Variants in TMEM200A observed in about 807,000 individuals in gnomAD.
TMEM200A encodes two transmembrane C.
A neutral mutation model predicts 24.3 loss-of-function variants in TMEM200A; 12 were observed. The observed-to-expected ratio is 0.49, with a 90% CI of 0.32 to 0.80. TMEM200A has a LOEUF of 0.80. Among genes scored for constraint, TMEM200A ranks in the 30% least tolerant of loss-of-function variants. The pLI is 0.04. For synonymous variants in TMEM200A, 224 were observed against 224.4 expected (o/e 1.00, Z 0.02); for missense variants, 545 against 614.4 (o/e 0.89, Z 1.19).
At chr6:130,394,909 G>A (rs1261634903) in intron 2 of TMEM200A, among the ~76,000 whole-genome samples, 1 of 152,126 alleles carries the variant, frequency 6.6e-6, no homozygotes, top group Non-Finnish European at 1.5e-5. Flanking sequence ...AAGTTCATGT[G>A]ATTATTGCCC....
intron 1 of TMEM200A, among the ~76,000 whole-genome samples, chr6:130,367,373 A>C (rs1287225812): frequency 6.6e-6 from 1 of 152,224 alleles, no homozygotes; most frequent in African/African-American, 2.4e-5. Context: ...ACATTTCAAG[A>C]ATCGATGATT....
intron 2 of TMEM200A, among the ~76,000 whole-genome samples, chr6:130,395,974 G>A (rs1778943246): frequency 6.6e-6 from 1 of 152,086 alleles, no homozygotes; most frequent in African/African-American, 2.4e-5. Context: ...TCTCTCTGGA[G>A]TAAATATGAA....
intron 1 of TMEM200A, chr6:130,382,975 A>G: frequency 2.1e-6 from 2 of 974,488 alleles, no homozygotes; most frequent in Non-Finnish European, 2.4e-6. Flanking sequence ...TAGTGACTCT[A>G]GATCAGGAAG....
At chr6:130,376,775 T>C (rs1350507317) in intron 1 of TMEM200A, among the ~76,000 whole-genome samples, 1 of 152,156 alleles carries the variant, frequency 6.6e-6, no homozygotes, top group African/African-American at 2.4e-5. Flanking sequence ...TTTTTTTTTC[T>C]CCCTGGTTAA....
chr6:130,406,111 T>A (rs1461007528), intron 2 of TMEM200A, among the ~76,000 whole-genome samples: 1 of 152,202 alleles, frequency 6.6e-6, no homozygotes, highest in Non-Finnish European at 1.5e-5. Context: ...ATCCTTGTCT[T>A]TTCATATATT....
At position 130,397,960 on chromosome 6, in the gene TMEM200A, G is replaced by A. The variant is rs150786190; in HGVS notation, c.-17+12724G>A. Among the ~76,000 whole-genome samples, 638 of 151,238 alleles carry A rather than the reference G, an allele frequency of 4.2e-3. 8 individuals are homozygous for A. Among genetic ancestry groups the A allele is most frequent in the African/African-American group, 0.014 (588 of 41,208 alleles). On this transcript the variant is annotated intron_variant, in intron 2 of 2. Transcript: ENST00000296978. ...ACATGAATTATTTTTCTTTATAAACGTTTCTTTTTTCTCTCTCAACTTTTA... is the reference window on the plus strand; with the variant it reads ...ACATGAATTATTTTTCTTTATAAACATTTCTTTTTTCTCTCTCAACTTTTA...
chr6:130,430,584 C>T (rs1779851959), intron 2 of TMEM200A, among the ~76,000 whole-genome samples: 1 of 151,950 alleles, frequency 6.6e-6, no homozygotes, highest in Non-Finnish European at 1.5e-5. Context: ...CCTTTTTTTT[C>T]TAATACGTTT....
At chr6:130,367,010 G>C (rs1175967559) in intron 1 of TMEM200A, among the ~76,000 whole-genome samples, 1 of 152,206 alleles carries the variant, frequency 6.6e-6, no homozygotes, top group African/African-American at 2.4e-5. Flanking sequence ...AGGACTGAGG[G>C]CTTCTAAGAT....
At chr6:130,423,433 G>T (rs1007193394) in intron 2 of TMEM200A, among the ~76,000 whole-genome samples, 3 of 152,040 alleles carry the variant, frequency 2.0e-5, no homozygotes, top group Admixed American at 6.6e-5. Context: ...TGATTACATA[G>T]AATTCCTTTA....
chr6:130,418,593 A>G (rs906964005), intron 2 of TMEM200A, among the ~76,000 whole-genome samples: 2 of 152,124 alleles, frequency 1.3e-5, no homozygotes, highest in African/African-American at 2.4e-5. Flanking sequence ...GGTTATTGCT[A>G]TTAAGGGTGG....
intron 2 of TMEM200A, among the ~76,000 whole-genome samples, chr6:130,393,547 A>C (rs543333066): frequency 1.3e-5 from 2 of 152,308 alleles, no homozygotes; most frequent in African/African-American, 2.4e-5. Flanking sequence ...CTGAGCAAAG[A>C]TCATGTTCAT....
rs141662738 is a variant in TMEM200A at position 130,440,809 on chromosome 6, C to G, written c.387C>G (p.Gly129=). The change falls in exon 3 of 3, where the codon GGC becomes GGG. Residue 129 remains glycine (G), a synonymous_variant. Coordinates refer to ENST00000296978, the MANE Select transcript of TMEM200A (RefSeq NM_001258277.2). ...ATTCTGATAAGATGAAAATGCTTGG[C>G]CCATTCACCATGGGGATTGGCATTT... ...HLHSDKMKML[G]PFTMGIGIFI... The G allele has an allele frequency of 6.2e-7, 1 of 1,613,834 alleles. No homozygotes were observed. The highest frequency in any genetic ancestry group is 1.1e-5 in the South Asian group (1 of 91,076).
intron 1 of TMEM200A, among the ~76,000 whole-genome samples, chr6:130,370,338 T>C (rs563391534): frequency 3.2e-4 from 49 of 152,142 alleles, no homozygotes; most frequent in African/African-American, 1.2e-3. Flanking sequence ...TAGCAGAGAG[T>C]GCTACTCTGA....
intron 2 of TMEM200A, among the ~76,000 whole-genome samples, chr6:130,397,739 C>G (rs190747097): frequency 6.6e-6 from 1 of 151,630 alleles, no homozygotes; most frequent in Admixed American, 6.6e-5. Flanking sequence ...TTTTGTTTGT[C>G]TTTTCACCAG....
intron 2 of TMEM200A, 90 bp from the exon 3 acceptor site, chr6:130,440,317 A>G (rs1043724959): frequency 3.0e-6 from 4 of 1,320,682 alleles, no homozygotes; most frequent in Non-Finnish European, 3.9e-6. Flanking sequence ...AGCAACAAAA[A>G]TTCTGTGTAA....
At chr6:130,394,221 G>C (rs1386074480) in intron 2 of TMEM200A, among the ~76,000 whole-genome samples, 1 of 152,174 alleles carries the variant, frequency 6.6e-6, no homozygotes, top group African/African-American at 2.4e-5. Flanking sequence ...ACCCAGCCTA[G>C]AGTCTGTAAG....
intron 1 of TMEM200A, chr6:130,381,827 C>A: frequency 1.2e-6 from 1 of 801,804 alleles, no homozygotes; most frequent in Non-Finnish European, 1.5e-6. Flanking sequence ...CCCTTTAGTT[C>A]CACAGGTTAT....
At chr6:130,371,010 T>C (rs1348319064) in intron 1 of TMEM200A, among the ~76,000 whole-genome samples, 1 of 152,158 alleles carries the variant, frequency 6.6e-6, no homozygotes, top group African/African-American at 2.4e-5. Flanking sequence ...AGGCATAAGA[T>C]GATAGGTTTC....
intron 2 of TMEM200A, among the ~76,000 whole-genome samples, chr6:130,396,246 A>C (rs1778949707): frequency 6.6e-6 from 1 of 152,102 alleles, no homozygotes; most frequent in Non-Finnish European, 1.5e-5. Context: ...ATAGAGGTTT[A>C]GAAAAACTTA....
Sources: gnomAD v4.1 joint callset for allele counts (sites outside exome capture counted in the v4.1 genomes callset) on GRCh38, gnomAD v4.1.1 for gene constraint, MANE v1.5 for transcripts, NCBI Gene and HGNC (gene_info 2026-07-23, HGNC 2026-07-21) for gene names.